NF1: variants seen among roughly 807,000 people sequenced by gnomAD.
The protein encoded by NF1 is neurofibromin 1, also known as neurofibromin.
NF1 carries 122 observed loss-of-function variants against 325.7 expected under a neutral mutation model. That is an observed-to-expected ratio of 0.37 (90% confidence interval 0.32 to 0.44). The LOEUF (loss-of-function observed/expected upper bound fraction) is 0.44. Among genes scored for constraint, NF1 ranks in the 20% least tolerant of loss-of-function variants. The pLI is 1.00. For synonymous variants in NF1, 1,091 were observed against 1,186.0 expected, an observed-to-expected ratio of 0.92 and a Z score of 1.65; for missense variants, 2,140 against 3,415.4, an observed-to-expected ratio of 0.63 and a Z score of 9.31.
At position 31,095,236 on chromosome 17, in the gene NF1, C is replaced by A; in HGVS notation, c.-74C>A. On this transcript the variant is annotated 5_prime_UTR_variant, in exon 1 of 58. Coordinates refer to ENST00000358273, the MANE Select transcript of NF1 (RefSeq NM_001042492.3). ...TTGCCTCTTCCCTCACCTCAGCCTC[C>A]GCTCCCCGCCCTCTTCCCGGCCCAG... is the stretch of plus-strand genomic sequence containing the variant. 7.0e-7 allele frequency: 1 copy of A among 1,422,574 alleles called. No individual in the cohort carries two copies. The highest frequency in any genetic ancestry group is 9.6e-7 in the Non-Finnish European group (1 of 1,045,212). The allele number at this position is 1,422,574 out of a possible 1,614,324, so 88.1% of individuals were successfully genotyped here.
At chr17:31,352,196 A>G in intron 50 of NF1, 61 bp from the exon 51 acceptor site, 8 of 1,533,464 alleles carry the variant, frequency 5.2e-6, no homozygotes, top group Non-Finnish European at 7.2e-6. Context: ...TGGAAGGAGC[A>G]AACGATGGTT....
chr17:31,190,638 A>G (rs915124054), intron 8 of NF1, among the ~76,000 whole-genome samples: 1 of 152,204 alleles, frequency 6.6e-6, no homozygotes, highest in African/African-American at 2.4e-5. Context: ...GCTAAGCCTT[A>G]AGTAAATATC....
At chr17:31,150,801 G>T (rs1304872042) in intron 1 of NF1, among the ~76,000 whole-genome samples, 1 of 152,062 alleles carries the variant, frequency 6.6e-6, no homozygotes, top group Non-Finnish European at 1.5e-5. Flanking sequence ...GGAGGCCGAG[G>T]TGGGTGGATT....
At chr17:31,281,721 T>TA (rs35154893) in intron 36 of NF1, among the ~76,000 whole-genome samples, 17 of 147,686 alleles carry the variant, frequency 1.2e-4, no homozygotes, top group South Asian at 2.1e-4. Context: ...TAGGCAAGTT[T>TA]AAAAAAAAAA....
At chr17:31,313,851 A>T (rs2068954265) in intron 36 of NF1, 1 of 390,882 alleles carries the variant, frequency 2.6e-6, no homozygotes, top group Non-Finnish European at 4.5e-6. Flanking sequence ...TCTATGCAAC[A>T]AAACCACAAA....
intron 36 of NF1, among the ~76,000 whole-genome samples, chr17:31,307,312 C>T (rs2068751264): frequency 6.6e-6 from 1 of 152,138 alleles, no homozygotes; most frequent in Non-Finnish European, 1.5e-5. Context: ...AGCCACCACG[C>T]CTGGCCCAAT....
chr17:31,320,370 T>A, intron 36 of NF1: 1 of 1,580,996 alleles, frequency 6.3e-7, no homozygotes, highest in Non-Finnish European at 8.6e-7. Flanking sequence ...GGCAGATTCT[T>A]ACCTAGCTAG....
chr17:31,361,389 T>C (rs1295178816), intron 57 of NF1: 1 of 152,460 alleles, frequency 6.6e-6, no homozygotes, highest in Non-Finnish European at 1.5e-5. Context: ...AACTCTGGAC[T>C]TATTCAGTGT....
chr17:31,175,961 T>C (rs1444691976), intron 5 of NF1, among the ~76,000 whole-genome samples: 3 of 152,222 alleles, frequency 2.0e-5, no homozygotes, highest in Admixed American at 2.0e-4. Flanking sequence ...TTTGCTGTTG[T>C]GAACAGTGCT....
intron 11 of NF1, among the ~76,000 whole-genome samples, chr17:31,204,975 T>G (rs1486689681): frequency 6.6e-6 from 1 of 152,124 alleles, no homozygotes; most frequent in Non-Finnish European, 1.5e-5. Flanking sequence ...CTAGATTAAA[T>G]AAAGTAGGAG....
At chr17:31,107,361 C>T (rs545190772) in intron 1 of NF1, among the ~76,000 whole-genome samples, 75 of 152,220 alleles carry the variant, frequency 4.9e-4, no homozygotes, top group African/African-American at 1.7e-3. Context: ...CAAAGATCAA[C>T]GAAGACCTGA....
At chr17:31,350,613 C>G (rs1404911068) in intron 50 of NF1, among the ~76,000 whole-genome samples, 2 of 151,900 alleles carry the variant, frequency 1.3e-5, no homozygotes, top group Non-Finnish European at 1.5e-5. Context: ...GGGGAAGGGC[C>G]TGGGGAAAAA....
intron 15 of NF1, chr17:31,222,340 G>A (rs1349172812): frequency 1.9e-6 from 2 of 1,037,432 alleles, no homozygotes; most frequent in Non-Finnish European, 2.3e-6. Flanking sequence ...CAATGCTTTC[G>A]ATGAATGAAT....
intron 27 of NF1, among the ~76,000 whole-genome samples, chr17:31,233,936 A>C (rs1231232386): frequency 3.3e-5 from 5 of 152,168 alleles, no homozygotes; most frequent in Non-Finnish European, 7.4e-5. Flanking sequence ...GCTCTACCTG[A>C]TCTGGGCCCT....
chr17:31,324,782 G>C (rs936793908), intron 36 of NF1, among the ~76,000 whole-genome samples: 63 of 151,942 alleles, frequency 4.1e-4, no homozygotes, highest in African/African-American at 1.5e-3. Context: ...GGCTGGTCTC[G>C]AACTCCTGGC....
At chr17:31,233,818 A>C (rs1283602185) in intron 27 of NF1, among the ~76,000 whole-genome samples, 2 of 152,198 alleles carry the variant, frequency 1.3e-5, no homozygotes. Context: ...AACTGATTTC[A>C]GTTATAGTAA....
chr17:31,120,786 T>TA (rs57465655), intron 1 of NF1, among the ~76,000 whole-genome samples: 5,249 of 143,158 alleles, frequency 0.037, 283 homozygotes, highest in African/African-American at 0.12. Context: ...TTAAAGTATT[T>TA]AAAAAAAAAA....
At chr17:31,217,012 T>TA (rs2066830559) in intron 13 of NF1, among the ~76,000 whole-genome samples, 1 of 152,184 alleles carries the variant, frequency 6.6e-6, no homozygotes, top group African/African-American at 2.4e-5. Flanking sequence ...TAATAGCTCT[T>TA]ATGTGATTTG....
At chr17:31,178,600 G>GCTGT (rs2066066926) in intron 5 of NF1, among the ~76,000 whole-genome samples, 1 of 152,158 alleles carries the variant, frequency 6.6e-6, no homozygotes, top group African/African-American at 2.4e-5. Flanking sequence ...CCATCACTGT[G>GCTGT]CTGTATTCAG....
Sources: allele counts gnomAD v4.1 joint callset (sites outside exome capture counted in the v4.1 genomes callset), GRCh38; gene constraint gnomAD v4.1.1; transcripts MANE v1.5; gene names NCBI Gene and HGNC (gene_info 2026-07-23, HGNC 2026-07-21).